Variants in PEBP4 observed in about 807,000 individuals in gnomAD.
PEBP4 encodes phosphatidylethanolamine binding protein 4.
A neutral mutation model predicts 23.9 loss-of-function variants in PEBP4; 22 were observed. That is an observed-to-expected ratio of 0.92 (90% CI 0.66 to 1.31). PEBP4 has a LOEUF of 1.31. Among genes scored for constraint, PEBP4 ranks in the 40% most tolerant of loss-of-function variants. The pLI, the probability that PEBP4 is intolerant of heterozygous loss-of-function variation, is 0.00. For missense variants in PEBP4, 324 were observed against 281.7 expected (o/e 1.15, Z -1.07); for synonymous variants, 112 against 99.3 (o/e 1.13, Z -0.76).
At chr8:22,770,430 C>T (rs1164621829) in intron 4 of PEBP4, among the ~76,000 whole-genome samples, 1 of 152,252 alleles carries the variant, frequency 6.6e-6, no homozygotes, top group East Asian at 1.9e-4. Flanking sequence ...GCCCCTCTGG[C>T]CTTGGCCGAA....
intron 6 of PEBP4, among the ~76,000 whole-genome samples, chr8:22,721,984 C>T (rs1278091443): frequency 1.3e-5 from 2 of 152,168 alleles, no homozygotes; most frequent in African/African-American, 2.4e-5. Flanking sequence ...TGTCTCGACC[C>T]CTCTGGTGGT....
At chr8:22,852,621 G>C (rs942777314) in intron 3 of PEBP4, among the ~76,000 whole-genome samples, 3 of 152,030 alleles carry the variant, frequency 2.0e-5, no homozygotes, top group African/African-American at 7.2e-5. Context: ...AGTCTTTTGT[G>C]AGTGTGAAGA....
Position 22,865,482 on chromosome 8 carries a change from GC to G in PEBP4, c.259-47748del, listed in dbSNP as rs1038887808. 5.9e-5 allele frequency among the ~76,000 whole-genome samples: 9 copies of G among 151,696 alleles called. No homozygotes were observed. Among genetic ancestry groups the G allele is most frequent in the South Asian group, 2.1e-4 (1 of 4,770 alleles). ...CCGCCGCGAGGTGGAGCGCGCCACC[GC>G]CCCCCCGGCCGCGCAGCGAGAAGGA... On this transcript the variant is annotated intron_variant, in intron 3 of 6. Transcript: ENST00000256404. The surrounding 1 kb of genome is among the most constrained non-coding windows in gnomAD (Gnocchi z 6.9).
At chr8:22,895,112 T>C (rs2128775529) in intron 3 of PEBP4, among the ~76,000 whole-genome samples, 1 of 152,362 alleles carries the variant, frequency 6.6e-6, no homozygotes, top group South Asian at 2.1e-4. Flanking sequence ...AGTAAGGTGC[T>C]GATCACGGAG....
chr8:22,817,263 C>A (rs1019153300), intron 4 of PEBP4, among the ~76,000 whole-genome samples: 16 of 152,226 alleles, frequency 1.1e-4, no homozygotes, highest in African/African-American at 3.4e-4. Context: ...CCCCCAAATC[C>A]AGTGGTGTGC....
At chr8:22,926,639 C>G (rs1809341145) in intron 2 of PEBP4, among the ~76,000 whole-genome samples, 1 of 152,074 alleles carries the variant, frequency 6.6e-6, no homozygotes, top group South Asian at 2.1e-4. Context: ...AGCCACTTCA[C>G]CCAACAAAAA....
rs566161943 is a variant in PEBP4 at position 22,775,352 on chromosome 8, G to A, written c.357+42285C>T. ...GCCCGTCTGCCAGGGAGAAGCCTCC[G>A]GGTGGTCTCTGCTGGGTGGGCCCAG... is the stretch of plus-strand genomic sequence containing the variant. On this transcript the variant is annotated intron_variant, in intron 4 of 6. Coordinates refer to ENST00000256404, the MANE Select transcript of PEBP4 (RefSeq NM_144962.3). This position sits in a 1 kb window ranked among gnomAD's most constrained non-coding sequence, Gnocchi z 4.8. Among the ~76,000 whole-genome samples the A allele has an allele frequency of 3.9e-5, 6 of 152,342 alleles. No individual in the cohort carries two copies. Among genetic ancestry groups the A allele is most frequent in the South Asian group, 2.1e-4 (1 of 4,834 alleles).
intron 3 of PEBP4, among the ~76,000 whole-genome samples, chr8:22,869,029 C>T (rs948956821): frequency 6.6e-6 from 1 of 152,220 alleles, no homozygotes; most frequent in Admixed American, 6.5e-5. Flanking sequence ...TTCTCCTCCA[C>T]GCTACTCATT....
chr8:22,772,855 G>A (rs936520575), intron 4 of PEBP4, among the ~76,000 whole-genome samples: 1 of 152,142 alleles, frequency 6.6e-6, no homozygotes, highest in African/African-American at 2.4e-5. Context: ...CCTCTTAGCT[G>A]GAAGGTCCTT....
At chr8:22,909,197 G>A (rs7829095) in intron 3 of PEBP4, among the ~76,000 whole-genome samples, 4,971 of 152,204 alleles carry the variant, frequency 0.033, 287 homozygotes, top group African/African-American at 0.11. Flanking sequence ...TTGCAGCCCC[G>A]GGAGATAGAG....
intron 3 of PEBP4, among the ~76,000 whole-genome samples, chr8:22,897,358 G>A (rs1563253100): frequency 6.6e-6 from 1 of 152,156 alleles, no homozygotes; most frequent in Non-Finnish European, 1.5e-5. Flanking sequence ...AGAGGAGAAT[G>A]AAGATACTGC....
intron 4 of PEBP4, among the ~76,000 whole-genome samples, chr8:22,780,912 T>C (rs1805900969): frequency 2.0e-5 from 3 of 152,228 alleles, no homozygotes; most frequent in Admixed American, 2.0e-4. Flanking sequence ...ACAGCCTGTC[T>C]TTCTTAGTGA....
chr8:22,787,869 T>G (rs997396097), intron 4 of PEBP4, among the ~76,000 whole-genome samples: 1 of 152,124 alleles, frequency 6.6e-6, no homozygotes, highest in Non-Finnish European at 1.5e-5. Flanking sequence ...ATGTTTCAGC[T>G]CAGCCTTAAA....
intron 3 of PEBP4, among the ~76,000 whole-genome samples, chr8:22,844,846 C>T (rs957693542): frequency 6.6e-6 from 1 of 152,160 alleles, no homozygotes. Context: ...TTGATTGGAC[C>T]ATGGTGGGCA....
At chr8:22,818,320 A>AAAAT (rs1214456003) in intron 3 of PEBP4, among the ~76,000 whole-genome samples, 2 of 152,196 alleles carry the variant, frequency 1.3e-5, no homozygotes, top group African/African-American at 4.8e-5. Flanking sequence ...GCAGATAATA[A>AAAAT]AAATAAATAA....
chr8:22,795,428 G>T (rs1806233408), intron 4 of PEBP4, among the ~76,000 whole-genome samples: 1 of 151,978 alleles, frequency 6.6e-6, no homozygotes, highest in East Asian at 1.9e-4. Context: ...GCCTGCCTTG[G>T]CCTCCCAAAG....
chr8:22,809,675 C>T (rs1289189335), intron 4 of PEBP4, among the ~76,000 whole-genome samples: 2 of 152,202 alleles, frequency 1.3e-5, no homozygotes, highest in Non-Finnish European at 2.9e-5. Flanking sequence ...TTATGTAAAA[C>T]ACAGCACTTG....
chr8:22,842,423 G>C (rs992945764), intron 3 of PEBP4, among the ~76,000 whole-genome samples: 6 of 152,182 alleles, frequency 3.9e-5, no homozygotes, highest in Non-Finnish European at 8.8e-5. Context: ...TGCCAATTCT[G>C]ATGCTCTTGT....
rs1805794866 is a variant in PEBP4, at chr8:22,775,398, A to C, written c.357+42239T>G. On this transcript the variant is annotated intron_variant, in intron 4 of 6. Transcript: ENST00000256404. The surrounding 1 kb of genome is among the most constrained non-coding windows in gnomAD (Gnocchi z 4.8). ...CCCAGCTGTCGAGGCCCAGGCAAGG[A>C]GCGGCCTTGCCAACCAATCCCTCCT... 6.6e-6 allele frequency among the ~76,000 whole-genome samples: 1 copy of C among 152,126 alleles called. No individual in the cohort carries two copies.
Sources: allele counts gnomAD v4.1 joint callset (sites outside exome capture counted in the v4.1 genomes callset), GRCh38; gene constraint gnomAD v4.1.1; non-coding constraint Gnocchi (gnomAD v3.1); transcripts MANE v1.5; gene names NCBI Gene and HGNC (gene_info 2026-07-23, HGNC 2026-07-21).